NCKAP5: variants seen among roughly 807,000 people sequenced by gnomAD.
The protein encoded by NCKAP5 is nck-associated protein 5.
A neutral mutation model predicts 167.0 loss-of-function variants in NCKAP5; 92 were observed. The observed-to-expected ratio is 0.55, with a 90% confidence interval of 0.47 to 0.66. The LOEUF is 0.66. Ranked by LOEUF, NCKAP5 falls within the 30% of genes least tolerant of loss-of-function variation. The pLI is 0.00. For missense variants in NCKAP5, 2,378 were observed against 2,315.0 expected (o/e 1.03, Z -0.56); for synonymous variants, 891 against 877.4 (o/e 1.02, Z -0.27).
intron 6 of NCKAP5, among the ~76,000 whole-genome samples, chr2:133,007,166 C>T (rs1372489281): frequency 6.6e-6 from 1 of 152,188 alleles, no homozygotes; most frequent in Non-Finnish European, 1.5e-5. Flanking sequence ...TAGGACAGAT[C>T]ACATTTCCTG....
At chr2:133,177,164 C>CTATATATATATA (rs61395261) in intron 5 of NCKAP5, among the ~76,000 whole-genome samples, 2,791 of 138,412 alleles carry the variant, frequency 0.02, 58 homozygotes, top group Non-Finnish European at 0.028. Context: ...GTTTTGTTTT[C>CTATATATATATA]TATATATATA....
At chr2:132,922,313 G>T (rs1475777480) in intron 8 of NCKAP5, among the ~76,000 whole-genome samples, 1 of 152,218 alleles carries the variant, frequency 6.6e-6, no homozygotes, top group East Asian at 1.9e-4. Context: ...TGACCAGAGA[G>T]TAGGAGAGAA....
chr2:132,960,826 A>T (rs995367638), intron 8 of NCKAP5, among the ~76,000 whole-genome samples: 1 of 152,052 alleles, frequency 6.6e-6, no homozygotes, highest in South Asian at 2.1e-4. Flanking sequence ...CTGTTAGGGG[A>T]GCAGGAATTA....
At chr2:133,175,289 C>T (rs1290413468) in intron 5 of NCKAP5, among the ~76,000 whole-genome samples, 1 of 152,100 alleles carries the variant, frequency 6.6e-6, no homozygotes, top group African/African-American at 2.4e-5. Context: ...TGCAAATACA[C>T]ATTTTTTTGC....
At chr2:133,511,847 C>G (rs1289263789) in intron 3 of NCKAP5, among the ~76,000 whole-genome samples, 1 of 152,194 alleles carries the variant, frequency 6.6e-6, no homozygotes, top group Non-Finnish European at 1.5e-5. Flanking sequence ...GAACAAAGAT[C>G]AGGCTTCCCA....
intron 4 of NCKAP5, among the ~76,000 whole-genome samples, chr2:133,275,496 C>T (rs1395360829): frequency 6.6e-6 from 1 of 151,704 alleles, no homozygotes; most frequent in Non-Finnish European, 1.5e-5. Flanking sequence ...ATAAATACCA[C>T]CTGTTGATAA....
chr2:132,701,095 A>G (rs1357364250), intron 19 of NCKAP5, among the ~76,000 whole-genome samples: 1 of 152,058 alleles, frequency 6.6e-6, no homozygotes, highest in Non-Finnish European at 1.5e-5. Context: ...TAAATATAAT[A>G]TATACATAGT....
intron 3 of NCKAP5, among the ~76,000 whole-genome samples, chr2:133,470,419 T>G (rs1417436249): frequency 6.6e-6 from 1 of 152,198 alleles, no homozygotes; most frequent in Admixed American, 6.5e-5. Flanking sequence ...TTCAAAGCTG[T>G]CAGACAGGGA....
chr2:133,164,898 C>T (rs1024190494), intron 5 of NCKAP5, among the ~76,000 whole-genome samples: 7 of 152,186 alleles, frequency 4.6e-5, no homozygotes, highest in Non-Finnish European at 8.8e-5. Flanking sequence ...ATCCCTCATC[C>T]AAGGCACAGG....
intron 2 of NCKAP5, among the ~76,000 whole-genome samples, chr2:133,538,100 A>G (rs1021405713): frequency 6.6e-6 from 1 of 152,190 alleles, no homozygotes; most frequent in Non-Finnish European, 1.5e-5. Context: ...GCCAAAACGA[A>G]CAAACCATTG....
At chr2:133,417,114 A>G (rs908610645) in intron 3 of NCKAP5, among the ~76,000 whole-genome samples, 12 of 139,732 alleles carry the variant, frequency 8.6e-5, no homozygotes, top group African/African-American at 3.1e-4. Context: ...TTTGCCCTGG[A>G]AAGTATGTTA....
intron 11 of NCKAP5, among the ~76,000 whole-genome samples, chr2:132,844,143 A>G (rs959987935): frequency 2.0e-5 from 3 of 152,194 alleles, no homozygotes; most frequent in African/African-American, 7.2e-5. Flanking sequence ...CAAAAATAAG[A>G]ATATGTAATA....
At chr2:133,439,706 A>C (rs891705155) in intron 3 of NCKAP5, among the ~76,000 whole-genome samples, 1 of 152,198 alleles carries the variant, frequency 6.6e-6, no homozygotes, top group African/African-American at 2.4e-5. Flanking sequence ...CTTGTCAATG[A>C]TGAGTCAGTA....
intron 6 of NCKAP5, among the ~76,000 whole-genome samples, chr2:133,066,058 C>G (rs1384350970): frequency 1.3e-5 from 2 of 152,090 alleles, no homozygotes; most frequent in East Asian, 3.9e-4. Context: ...CTTGTGTATA[C>G]ATGCTCATGT....
chr2:133,544,614 C>A (rs1686506903), intron 2 of NCKAP5, among the ~76,000 whole-genome samples: 1 of 152,146 alleles, frequency 6.6e-6, no homozygotes, highest in Non-Finnish European at 1.5e-5. Flanking sequence ...TGTTGATGGG[C>A]ACTTCACTGA....
intron 4 of NCKAP5, among the ~76,000 whole-genome samples, chr2:133,289,680 G>C (rs1341868372): frequency 6.6e-6 from 1 of 151,536 alleles, no homozygotes; most frequent in Admixed American, 6.6e-5. Context: ...AACAGAACAA[G>C]AGTCCGTCTC....
chr2:133,588,097 T>TAC, the NCKAP5 span, among the ~76,000 whole-genome samples: 1 of 152,090 alleles, frequency 6.6e-6, no homozygotes, highest in Non-Finnish European at 1.5e-5. Context: ...TATGTCTGTA[T>TAC]ACACACACAC....
intron 3 of NCKAP5, among the ~76,000 whole-genome samples, chr2:133,494,138 AT>A (rs1368041164): frequency 6.6e-6 from 1 of 152,200 alleles, no homozygotes; most frequent in Non-Finnish European, 1.5e-5. Context: ...TAAGAGGCCC[AT>A]ATGGGACCCC....
In NCKAP5 at chr2:132,882,218, A is replaced by G. The variant is rs555446877; in HGVS notation, c.580-3302T>C. ...AATCCCTGAAATCAGGCATTTCTCT[A>G]AGGAATTCTACTTCCTCTTACTTGG... is the stretch of plus-strand genomic sequence containing the variant. On this transcript the variant is annotated intron_variant, in intron 8 of 19. Coordinates refer to ENST00000409261, the MANE Select transcript of NCKAP5 (RefSeq NM_207363.3). Among the ~76,000 whole-genome samples, 4 of 152,200 alleles carry G rather than the reference A, an allele frequency of 2.6e-5. No homozygotes were observed. In the East Asian group the frequency reaches 7.7e-4, roughly 29 times the overall value.
Sources: allele counts gnomAD v4.1 joint callset (sites outside exome capture counted in the v4.1 genomes callset), GRCh38; gene constraint gnomAD v4.1.1; transcripts MANE v1.5; gene names NCBI Gene and HGNC (gene_info 2026-07-23, HGNC 2026-07-21).